Variants in CBX3 observed in about 807,000 individuals in gnomAD.
The protein encoded by CBX3 is chromobox protein homolog 3.
CBX3 carries 5 observed loss-of-function variants against 22.6 expected under a neutral mutation model. The observed-to-expected ratio is 0.22, with a 90% CI of 0.12 to 0.47. CBX3 has a LOEUF of 0.47. Among genes scored for constraint, CBX3 ranks in the 20% least tolerant of loss-of-function variants. The probability of loss-of-function intolerance (pLI) is 0.99; values close to 1 mark genes in which losing one functional copy is unlikely to be tolerated. For synonymous variants in CBX3, 50 were observed against 66.6 expected (o/e 0.75, Z 1.21); for missense variants, 83 against 208.1 (o/e 0.40, Z 3.70).
At chr7:26,205,899 A>G (rs1337276113) in intron 2 of CBX3, 3 of 154,780 alleles carry the variant, frequency 1.9e-5, no homozygotes, top group African/African-American at 7.2e-5. Flanking sequence ...CAGCCTGGTC[A>G]ACATGGTGAA....
intron 2 of CBX3, among the ~76,000 whole-genome samples, chr7:26,203,779 G>C (rs778782932): frequency 3.9e-5 from 6 of 152,144 alleles, no homozygotes; most frequent in Admixed American, 6.5e-5. Context: ...TAAAGCATTT[G>C]TTTTTGGCTT....
chr7:26,210,404 G>T (rs1359187966), intron 4 of CBX3: 1 of 152,180 alleles, frequency 6.6e-6, no homozygotes, highest in African/African-American at 2.4e-5. Context: ...TGAAATATCT[G>T]TGCAGTAGAT....
In CBX3 at chr7:26,213,020, C is replaced by T. The variant is rs1259969284; in HGVS notation, c.*812C>T. ...CCATTCCTTAGCAAAATGTTGGAAT[C>T]CCTGTTGCTACATTGACTAAAAGGT... is the stretch of plus-strand genomic sequence containing the variant. On this transcript the variant is annotated 3_prime_UTR_variant, in exon 6 of 6. Coordinates refer to ENST00000396386, the MANE Select transcript of CBX3 (RefSeq NM_016587.4). 3 of 152,298 alleles carry T rather than the reference C, an allele frequency of 2.0e-5. No individual in the cohort carries two copies. Among genetic ancestry groups the T allele is most frequent in the Non-Finnish European group, 4.4e-5 (3 of 68,054 alleles). 9.4% of individuals were successfully genotyped at this position (152,298 alleles called of 1,614,324 possible).
At chr7:26,211,625 TCTGAGTTTG>T in intron 4 of CBX3, 28 bp from the exon 5 acceptor site, 3 of 1,322,856 alleles carry the variant, frequency 2.3e-6, no homozygotes, top group Non-Finnish European at 3.2e-6. Context: ...AATTTAATAC[TCTGAGTTTG>T]CTGTATGAAA....
rs1005455099 is a variant in CBX3, at chr7:26,212,920, T to G, written c.*712T>G. ...GGTTTCCTCATCCAGATGAGGAAAC[T>G]AGACAAATGCTAGTGTGTTTTAACT... On this transcript the variant is annotated 3_prime_UTR_variant, in exon 6 of 6. Transcript: ENST00000396386. 2 of 152,286 alleles carry G rather than the reference T, an allele frequency of 1.3e-5. No individual in the cohort carries two copies. Among genetic ancestry groups the G allele is most frequent in the African/African-American group, 2.4e-5 (1 of 41,474 alleles). 9.4% of individuals were successfully genotyped at this position (152,286 alleles called of 1,614,324 possible).
intron 5 of CBX3, 109 bp downstream of exon 5, chr7:26,211,865 GA>G (rs1784808326): frequency 5.5e-6 from 5 of 904,956 alleles, no homozygotes; most frequent in Non-Finnish European, 6.6e-6. Context: ...CTGAGAGGAT[GA>G]TTCTGGTTAC....
chr7:26,212,580 TTTTGTGTGTG>T lies in CBX3; in HGVS notation c.*374_*383del, dbSNP rs1159693298. The T allele has an allele frequency of 1.4e-4, 19 of 137,330 alleles. No homozygotes were observed. Among genetic ancestry groups the T allele is most frequent in the East Asian group, 2.6e-4 (1 of 3,894 alleles). 8.5% of individuals were successfully genotyped at this position (137,330 alleles called of 1,614,324 possible). ...GACCATTCTAGATTTATTACGTGTT[TTTTGTGTGTG>T]TGTGTGTGTGTGTGTGTGTGTGTAT... On this transcript the variant is annotated 3_prime_UTR_variant, in exon 6 of 6. Coordinates refer to ENST00000396386, the MANE Select transcript of CBX3 (RefSeq NM_016587.4).
At chr7:26,206,242 G>T (rs1584036926) in intron 2 of CBX3, 126 bp from the exon 3 acceptor site, 1 of 616,452 alleles carries the variant, frequency 1.6e-6, no homozygotes, top group East Asian at 2.8e-5. Context: ...TCCAGAAGGT[G>T]TCTGCCCTGG....
At chr7:26,211,587 G>GT (rs1584041912) in intron 4 of CBX3, 75 bp from the exon 5 acceptor site, 2 of 904,324 alleles carry the variant, frequency 2.2e-6, no homozygotes, top group East Asian at 2.6e-5. Flanking sequence ...CTATTGGAAT[G>GT]TTTTTATTTA....
chr7:26,212,085 A>G lies in CBX3; in HGVS notation c.429A>G (p.Lys143=). The change falls in exon 6 of 6, where the codon AAA becomes AAG. Residue 143 remains lysine (K), a synonymous_variant. Coordinates refer to ENST00000396386, the MANE Select transcript of CBX3 (RefSeq NM_016587.4). ...SGELMFLMKW[K]DSDEADLVLA... is the part of the protein sequence containing the mutation. ...ATTTTTCTTTTTCTTAAAACAGGAA[A>G]GATTCAGATGAGGCAGACTTGGTGC... 1 of 1,546,960 alleles carries G rather than the reference A, an allele frequency of 6.5e-7. No homozygotes were observed. Among genetic ancestry groups the G allele is most frequent in the Non-Finnish European group, 8.7e-7 (1 of 1,153,454 alleles).
chr7:26,206,586 T>C, intron 3 of CBX3, 76 bp downstream of exon 3: 1 of 1,333,534 alleles, frequency 7.5e-7, no homozygotes, highest in South Asian at 1.2e-5. Context: ...TTAACCTGGC[T>C]CTTTTACCTG....
upstream of CBX3, chr7:26,201,586 T>TC (rs1295551904): frequency 6.8e-6 from 1 of 147,574 alleles, no homozygotes; most frequent in Non-Finnish European, 1.5e-5. Context: ...CGTCGGCGCC[T>TC]CCGCCCTCCC....
At position 26,212,814 on chromosome 7, in the gene CBX3, A is replaced by G. The variant is rs565672843; in HGVS notation, c.*606A>G. ...TTCTAGATAGGACAATTTAAATTGG[A>G]TAATTTTAAAGTGTCTATAATTGCA... On this transcript the variant is annotated 3_prime_UTR_variant, in exon 6 of 6. Coordinates refer to ENST00000396386, the MANE Select transcript of CBX3 (RefSeq NM_016587.4). 63 of 152,394 alleles carry G rather than the reference A, an allele frequency of 4.1e-4. No individual in the cohort carries two copies. The highest frequency in any genetic ancestry group is 1.4e-3 in the African/African-American group (60 of 41,588). 9.4% of individuals were successfully genotyped at this position (152,394 alleles called of 1,614,324 possible).
At chr7:26,211,566 T>A in intron 4 of CBX3, 96 bp from the exon 5 acceptor site, 1 of 700,030 alleles carries the variant, frequency 1.4e-6, no homozygotes. Flanking sequence ...GCTCTAGTCA[T>A]TTCCATCTCA....
chr7:26,203,002 G>A lies in CBX3; in HGVS notation c.4G>A (p.Ala2Thr). The A allele has an allele frequency of 6.2e-7, 1 of 1,609,334 alleles. No homozygotes were observed. Among genetic ancestry groups the A allele is most frequent in the Non-Finnish European group, 8.5e-7 (1 of 1,176,276 alleles). The change falls in exon 2 of 6, where the codon GCC (alanine) becomes ACC (threonine). Residue 2 changes from alanine to threonine, a missense_variant. Ala to Thr is a moderately conservative substitution (Grantham distance 58, BLOSUM62 0). Around this residue, in one of 3 missense-constraint regions of CBX3, gnomAD observed 24 missense variants for 25.1 expected, o/e 0.96. Coordinates refer to ENST00000396386, the MANE Select transcript of CBX3 (RefSeq NM_016587.4). ...CTCTTCAAGTCTGCAATAAAAAATG[G>A]CCTCCAACAAAACTACATTGGTAAG... M[A>T]SNKTTLQKMG...
In CBX3 at chr7:26,213,337, T is replaced by C. The variant is rs754181630; in HGVS notation, c.*1129T>C. 5 of 152,708 alleles carry C rather than the reference T, an allele frequency of 3.3e-5. No individual in the cohort carries two copies. The highest frequency in any genetic ancestry group is 7.3e-5 in the Non-Finnish European group (5 of 68,050). The allele number at this position is 152,708 out of a possible 1,614,324, so 9.5% of individuals were successfully genotyped here. A position where few individuals can be genotyped will look rare whatever the true frequency, so the allele number is the denominator to read the frequency against. ...CTGGTGAACAGTGGTTAATAAATAG[T>C]TTTATATTCCTTTATGCAATTATTA... On this transcript the variant is annotated 3_prime_UTR_variant, in exon 6 of 6. Coordinates refer to ENST00000396386, the MANE Select transcript of CBX3 (RefSeq NM_016587.4).
chr7:26,205,691 G>A (rs1784659918), intron 2 of CBX3, among the ~76,000 whole-genome samples: 1 of 152,232 alleles, frequency 6.6e-6, no homozygotes, highest in South Asian at 2.1e-4. Flanking sequence ...CCTAAGACCT[G>A]TCACTACTAC....
At chr7:26,206,330 G>A (rs779381861) in intron 2 of CBX3, 38 bp from the exon 3 acceptor site, 1 of 1,384,994 alleles carries the variant, frequency 7.2e-7, no homozygotes, top group African/African-American at 1.5e-5. Context: ...CAAAATTCAA[G>A]AGGAATATTT....
chr7:26,202,200 C>T (rs1432344176), intron 1 of CBX3: 1 of 151,874 alleles, frequency 6.6e-6, no homozygotes, highest in Non-Finnish European at 1.5e-5. Flanking sequence ...GGCGCGTGGT[C>T]CCGCGTCCGC....
Sources: allele counts gnomAD v4.1 joint callset (sites outside exome capture counted in the v4.1 genomes callset), GRCh38; gene constraint gnomAD v4.1.1; regional missense constraint gnomAD v4.1.1; transcripts MANE v1.5; gene names NCBI Gene and HGNC (gene_info 2026-07-23, HGNC 2026-07-21).